The following EPHB1 variants were observed in gnomAD, a reference collection of about 807,000 sequenced individuals.
The protein encoded by EPHB1 is ephrin type-B receptor 1.
A neutral mutation model predicts 94.4 loss-of-function variants in EPHB1; 30 were observed. The ratio of observed to expected loss-of-function variants is 0.32; its 90% CI spans 0.24 to 0.43. EPHB1 has a LOEUF of 0.43. EPHB1 is among the 20% of genes least tolerant of loss of function. The pLI, the probability that EPHB1 is intolerant of heterozygous loss-of-function variation, is 1.00. For missense variants in EPHB1, 1,055 were observed against 1,308.3 expected (o/e 0.81, Z 2.99); for synonymous variants, 522 against 489.1 (o/e 1.07, Z -0.89).
intron 3 of EPHB1, among the ~76,000 whole-genome samples, chr3:135,001,398 C>T (rs1236931738): frequency 2.0e-5 from 3 of 152,186 alleles, no homozygotes; most frequent in African/African-American, 7.2e-5. Flanking sequence ...GGTCCCCTGC[C>T]TCCATCTCCC....
intron 1 of EPHB1, among the ~76,000 whole-genome samples, chr3:134,863,321 C>T (rs891954552): frequency 6.6e-6 from 1 of 152,192 alleles, no homozygotes; most frequent in African/African-American, 2.4e-5. Flanking sequence ...TGCTTATGTA[C>T]ACAGCCAGTG....
chr3:134,993,615 G>A (rs1050435879), intron 3 of EPHB1, among the ~76,000 whole-genome samples: 2 of 152,166 alleles, frequency 1.3e-5, no homozygotes, highest in African/African-American at 4.8e-5. Flanking sequence ...TACAGTGTTG[G>A]CCTGCAGCAT....
chr3:134,952,371 T>TCTCA lies in EPHB1; in HGVS notation c.805+320_805+321insTCAC, dbSNP rs1553714317. Among the ~76,000 whole-genome samples, 209 of 148,302 alleles carry TCTCA rather than the reference T, an allele frequency of 1.4e-3. 1 individual carries two copies. The highest frequency in any genetic ancestry group is 5.0e-3 in the African/African-American group (199 of 39,808). ...TCTCTCTTCTCTCTCTCTCTCTCTC[T>TCTCA]CACACACACACACACACACTCACAC... On this transcript the variant is annotated intron_variant, in intron 3 of 15. Transcript: ENST00000398015.
intron 12 of EPHB1, among the ~76,000 whole-genome samples, chr3:135,216,303 G>C (rs1227495820): frequency 6.6e-6 from 1 of 152,092 alleles, no homozygotes; most frequent in African/African-American, 2.4e-5. Context: ...CCATTTCCCA[G>C]AGTCTGAACC....
intron 3 of EPHB1, among the ~76,000 whole-genome samples, chr3:135,036,725 A>G (rs1437275702): frequency 2.0e-5 from 3 of 152,128 alleles, no homozygotes; most frequent in Non-Finnish European, 2.9e-5. Flanking sequence ...TATTTAGGAT[A>G]TTTCTAGAAT....
At chr3:135,133,370 T>C (rs943844588) in intron 5 of EPHB1, among the ~76,000 whole-genome samples, 1 of 152,156 alleles carries the variant, frequency 6.6e-6, no homozygotes, top group Non-Finnish European at 1.5e-5. Context: ...GATGAAGAGA[T>C]GGACAGACAG....
At chr3:135,093,537 A>G (rs903618236) in intron 3 of EPHB1, among the ~76,000 whole-genome samples, 1 of 152,100 alleles carries the variant, frequency 6.6e-6, no homozygotes, top group Admixed American at 6.6e-5. Context: ...GGCCGACATG[A>G]TGAAACCCTG....
intron 1 of EPHB1, among the ~76,000 whole-genome samples, chr3:134,822,016 A>G (rs893734559): frequency 6.6e-6 from 1 of 152,182 alleles, no homozygotes; most frequent in Non-Finnish European, 1.5e-5. Context: ...GTTGAAAAGG[A>G]GGAGGAGGAA....
At chr3:134,855,532 C>T (rs1183627484) in intron 1 of EPHB1, among the ~76,000 whole-genome samples, 2 of 152,164 alleles carry the variant, frequency 1.3e-5, no homozygotes, top group Non-Finnish European at 2.9e-5. Flanking sequence ...CCCTCTGATA[C>T]CCACCACTCA....
intron 4 of EPHB1, among the ~76,000 whole-genome samples, chr3:135,114,537 TAAAAAAAAAAAAA>T (rs56100882): frequency 0.05 from 1,860 of 37,280 alleles, 61 homozygotes; most frequent in South Asian, 0.22. Flanking sequence ...CTGTCTCTAC[TAAAAAAAAAAAAA>T]AAAAAAAAAA....
At chr3:134,829,073 G>C (rs2036535664) in intron 1 of EPHB1, among the ~76,000 whole-genome samples, 1 of 152,172 alleles carries the variant, frequency 6.6e-6, no homozygotes, top group Non-Finnish European at 1.5e-5. Flanking sequence ...TAAATGCACT[G>C]TTTCTCAGAC....
chr3:135,117,007 G>A (rs1939747966), intron 4 of EPHB1, among the ~76,000 whole-genome samples: 1 of 152,208 alleles, frequency 6.6e-6, no homozygotes, highest in Non-Finnish European at 1.5e-5. Context: ...AAAGACCAGG[G>A]ATCCCAGTGT....
chr3:135,058,611 G>T (rs376332315), intron 3 of EPHB1, among the ~76,000 whole-genome samples: 1 of 152,154 alleles, frequency 6.6e-6, no homozygotes, highest in African/African-American at 2.4e-5. Context: ...CTATCTTCAT[G>T]GGCAAGTTCA....
At chr3:134,915,713 A>G (rs1262135269) in intron 1 of EPHB1, among the ~76,000 whole-genome samples, 1 of 149,906 alleles carries the variant, frequency 6.7e-6, no homozygotes, top group Non-Finnish European at 1.5e-5. Flanking sequence ...GAGGGTTACA[A>G]CTCTTAAGGC....
At chr3:135,175,205 TACATGTCTACA>T (rs1032513271) in intron 9 of EPHB1, among the ~76,000 whole-genome samples, 30 of 152,170 alleles carry the variant, frequency 2.0e-4, no homozygotes, top group African/African-American at 7.2e-4. Flanking sequence ...AGATACACTC[TACATGTCTACA>T]ACATCCCCAG....
At chr3:134,846,254 A>T (rs1313320901) in intron 1 of EPHB1, among the ~76,000 whole-genome samples, 1 of 152,210 alleles carries the variant, frequency 6.6e-6, no homozygotes, top group Non-Finnish European at 1.5e-5. Context: ...GACCCATTTT[A>T]GAAGTTGAGT....
chr3:134,974,360 T>C (rs556744472), intron 3 of EPHB1, among the ~76,000 whole-genome samples: 1 of 152,324 alleles, frequency 6.6e-6, no homozygotes, highest in East Asian at 1.9e-4. Flanking sequence ...TGTATGACCT[T>C]GGGGTAAGTT....
Position 135,211,723 on chromosome 3 carries a change from G to A in EPHB1, c.2346+10034G>A, listed in dbSNP as rs147118884. Among the ~76,000 whole-genome samples, 36 of 151,958 alleles carry A rather than the reference G, an allele frequency of 2.4e-4. No homozygotes were observed. In the East Asian group the frequency reaches 5.4e-3, roughly 23 times the overall value. On this transcript the variant is annotated intron_variant, in intron 12 of 15. Coordinates refer to ENST00000398015, the MANE Select transcript of EPHB1 (RefSeq NM_004441.5). ...CACACACACATATATATTCATATTC[G>A]TATACGCATTGTGTCATATTTCTCT...
intron 3 of EPHB1, 84 bp downstream of exon 3, chr3:134,952,136 C>G (rs1933058039): frequency 7.1e-7 from 1 of 1,405,178 alleles, no homozygotes; most frequent in Non-Finnish European, 9.7e-7. Flanking sequence ...CTGGGTCATA[C>G]AGGAACAGAA....
Sources: allele counts gnomAD v4.1 joint callset (sites outside exome capture counted in the v4.1 genomes callset), GRCh38; gene constraint gnomAD v4.1.1; transcripts MANE v1.5; gene names NCBI Gene and HGNC (gene_info 2026-07-23, HGNC 2026-07-21).